Variants in CLVS1 observed in about 807,000 individuals in gnomAD.
The protein encoded by CLVS1 is clavesin 1.
CLVS1 carries 10 observed loss-of-function variants against 33.1 expected under a neutral mutation model. The observed-to-expected ratio is 0.30, with a 90% CI of 0.19 to 0.51. The LOEUF is 0.51. Among genes scored for constraint, CLVS1 ranks in the 20% least tolerant of loss-of-function variants. The pLI is 0.97. For synonymous variants in CLVS1, 163 were observed against 166.1 expected (o/e 0.98, Z 0.14); for missense variants, 343 against 433.4 (o/e 0.79, Z 1.85).
the CLVS1 span, among the ~76,000 whole-genome samples, chr8:61,012,359 C>A: frequency 0.025 from 3,799 of 152,316 alleles, 170 homozygotes; most frequent in African/African-American, 0.086. Flanking sequence ...CACCTTAGTA[C>A]CTTACATACA....
At position 61,084,976 on chromosome 8, in the gene CLVS1, T is replaced by TG. The variant is rs540815056; in HGVS notation, c.-243+27748dup. ...TGTTTTCACATAATAGTACAAAAAT[T>TG]GGTATGTCAATACCAGGAAAATGTT... On this transcript the variant is annotated intron_variant, in intron 1 of 2. Transcript: ENST00000522621. Among the ~76,000 whole-genome samples, 992 of 152,332 alleles carry TG rather than the reference T, an allele frequency of 6.5e-3. 8 individuals are homozygous for TG. Among genetic ancestry groups the TG allele is most frequent in the South Asian group, 0.017 (83 of 4,832 alleles).
chr8:61,069,419 TCCTTCCTTCCTCTGTTTTC>T (rs1045480856), intron 1 of CLVS1, among the ~76,000 whole-genome samples: 1 of 152,094 alleles, frequency 6.6e-6, no homozygotes, highest in Non-Finnish European at 1.5e-5. Flanking sequence ...CTTCCTTCCT[TCCTTCCTTCCTCTGTTTTC>T]CCTTCCTTCC....
chr8:61,066,323 C>A (rs964358954), intron 1 of CLVS1, among the ~76,000 whole-genome samples: 1 of 152,082 alleles, frequency 6.6e-6, no homozygotes, highest in African/African-American at 2.4e-5. Flanking sequence ...TGGTGAAACC[C>A]TGTGTCTACA....
chr8:61,437,184 G>A (rs1307947563), intron 3 of CLVS1, among the ~76,000 whole-genome samples: 1 of 152,148 alleles, frequency 6.6e-6, no homozygotes, highest in South Asian at 2.1e-4. Flanking sequence ...CCAGGAGCAT[G>A]GCTAAGCTCT....
intron 3 of CLVS1, among the ~76,000 whole-genome samples, chr8:61,449,611 G>A (rs1276296138): frequency 6.6e-6 from 1 of 152,132 alleles, no homozygotes; most frequent in Non-Finnish European, 1.5e-5. Flanking sequence ...TATCTATTTT[G>A]CTAGACTGCC....
chr8:61,476,171 C>T (rs556968339), intron 5 of CLVS1, among the ~76,000 whole-genome samples: 3 of 152,266 alleles, frequency 2.0e-5, no homozygotes, highest in South Asian at 4.1e-4. Flanking sequence ...TGTTTTGGTA[C>T]CAGGACCATG....
chr8:61,464,826 A>T (rs1174996592), intron 5 of CLVS1: 1 of 152,302 alleles, frequency 6.6e-6, no homozygotes, highest in Non-Finnish European at 1.5e-5. Context: ...CAGGATGGGC[A>T]GAGACTGGAG....
intron 1 of CLVS1, among the ~76,000 whole-genome samples, chr8:61,121,516 A>T (rs1169130411): frequency 6.6e-6 from 1 of 152,176 alleles, no homozygotes; most frequent in Non-Finnish European, 1.5e-5. Flanking sequence ...AGGAAGAATC[A>T]TTGAAACATG....
At chr8:61,031,458 C>T in the CLVS1 span, among the ~76,000 whole-genome samples, 2 of 152,184 alleles carry the variant, frequency 1.3e-5, no homozygotes, top group Non-Finnish European at 2.9e-5. Context: ...CAAGACTCAA[C>T]CAGAGCAAAA....
At chr8:61,222,097 GATCT>G (rs1223567418) in intron 2 of CLVS1, among the ~76,000 whole-genome samples, 2 of 152,056 alleles carry the variant, frequency 1.3e-5, no homozygotes, top group South Asian at 2.1e-4. Context: ...CCTAGCTAAT[GATCT>G]ATCTATTTTG....
intron 3 of CLVS1, among the ~76,000 whole-genome samples, chr8:61,426,982 CA>C (rs780466821): frequency 6.6e-6 from 1 of 152,144 alleles, no homozygotes; most frequent in Non-Finnish European, 1.5e-5. Flanking sequence ...AATGAGAGAG[CA>C]AAATAGTATC....
intron 5 of CLVS1, among the ~76,000 whole-genome samples, chr8:61,475,051 G>A (rs377252629): frequency 1.3e-5 from 2 of 152,082 alleles, no homozygotes; most frequent in East Asian, 3.9e-4. Context: ...GCAGGGTTTG[G>A]TTTTTTGTCC....
At chr8:60,980,303 G>T in the CLVS1 span, among the ~76,000 whole-genome samples, 1 of 152,186 alleles carries the variant, frequency 6.6e-6, no homozygotes, top group Non-Finnish European at 1.5e-5. Context: ...CTTTGGCATG[G>T]ATGTGTATTT....
chr8:61,478,989 C>T (rs1211413569), intron 5 of CLVS1, among the ~76,000 whole-genome samples: 2 of 152,162 alleles, frequency 1.3e-5, no homozygotes, highest in Non-Finnish European at 2.9e-5. Context: ...GGTAACCCAA[C>T]CTTTCTCTCT....
At chr8:61,429,077 G>A (rs1379191446) in intron 3 of CLVS1, among the ~76,000 whole-genome samples, 1 of 152,130 alleles carries the variant, frequency 6.6e-6, no homozygotes, top group Non-Finnish European at 1.5e-5. Flanking sequence ...CAGGGCGCTG[G>A]CATCTGGCAA....
chr8:61,367,552 C>T (rs1351050291), intron 2 of CLVS1, among the ~76,000 whole-genome samples: 1 of 152,176 alleles, frequency 6.6e-6, no homozygotes, highest in Admixed American at 6.6e-5. Flanking sequence ...TTACTTTCTC[C>T]TTCATGTCAT....
chr8:61,475,497 G>A (rs577333340), intron 5 of CLVS1, among the ~76,000 whole-genome samples: 181 of 152,318 alleles, frequency 1.2e-3, no homozygotes, highest in African/African-American at 3.3e-3. Flanking sequence ...TCTAACTGGT[G>A]TGAGATGGTA....
chr8:61,343,445 T>A (rs1445348325), intron 2 of CLVS1, among the ~76,000 whole-genome samples: 2 of 152,238 alleles, frequency 1.3e-5, no homozygotes, highest in Non-Finnish European at 2.9e-5. Flanking sequence ...TGCAATGGTC[T>A]GTGACAGTAT....
chr8:61,189,728 C>G (rs1221708381), intron 2 of CLVS1, among the ~76,000 whole-genome samples: 6 of 152,108 alleles, frequency 3.9e-5, no homozygotes, highest in Non-Finnish European at 8.8e-5. Context: ...CAATCCTAGT[C>G]TTGGATAAAA....
Sources: gnomAD v4.1 joint callset for allele counts (sites outside exome capture counted in the v4.1 genomes callset) on GRCh38, gnomAD v4.1.1 for gene constraint, MANE v1.5 for transcripts, NCBI Gene and HGNC (gene_info 2026-07-23, HGNC 2026-07-21) for gene names.